Variants in ST3GAL3 observed in about 807,000 individuals in gnomAD.
ST3GAL3 encodes CMP-N-acetylneuraminate-beta-1,4-galactoside alpha-2,3-sialyltransferase.
ST3GAL3 carries 21 observed loss-of-function variants against 50.1 expected under a neutral mutation model. The observed-to-expected ratio is 0.42, with a 90% CI of 0.30 to 0.60. The LOEUF (loss-of-function observed/expected upper bound fraction) is 0.60, where lower values mean the gene tolerates loss of function less well. Among genes scored for constraint, ST3GAL3 ranks in the 20% least tolerant of loss-of-function variants. The probability of loss-of-function intolerance (pLI) is 0.19; values close to 1 mark genes in which losing one functional copy is unlikely to be tolerated. For missense variants in ST3GAL3, 353 were observed against 489.4 expected (o/e 0.72, Z 2.63); for synonymous variants, 183 against 190.0 (o/e 0.96, Z 0.30).
chr1:43,811,976 C>G (rs2060614717), intron 3 of ST3GAL3, among the ~76,000 whole-genome samples: 1 of 152,196 alleles, frequency 6.6e-6, no homozygotes, highest in Non-Finnish European at 1.5e-5. Context: ...CTTAGTCTAG[C>G]ACTTCACTGT....
intron 5 of ST3GAL3, among the ~76,000 whole-genome samples, chr1:43,875,586 A>G (rs1454740650): frequency 6.6e-6 from 1 of 152,006 alleles, no homozygotes; most frequent in Non-Finnish European, 1.5e-5. Flanking sequence ...TGTTCTCATG[A>G]TAGTGAATGG....
intron 1 of ST3GAL3, among the ~76,000 whole-genome samples, chr1:43,708,299 G>T (rs771765270): frequency 6.6e-6 from 1 of 152,156 alleles, no homozygotes; most frequent in Non-Finnish European, 1.5e-5. Context: ...TTACAACAAT[G>T]TCCATTTTTA....
chr1:43,783,064 G>GGTA (rs1354911946), intron 2 of ST3GAL3, among the ~76,000 whole-genome samples: 2 of 86,532 alleles, frequency 2.3e-5, no homozygotes, highest in Admixed American at 9.6e-5. Flanking sequence ...AGGGGGCTCA[G>GGTA]ATAAATTTTG....
intron 11 of ST3GAL3, among the ~76,000 whole-genome samples, chr1:43,926,752 A>T (rs1349531331): frequency 6.6e-6 from 1 of 152,218 alleles, no homozygotes; most frequent in Non-Finnish European, 1.5e-5. Context: ...AGGTGAACTC[A>T]GAAGTTGTCT....
At chr1:43,779,297 T>C (rs1698554297) in intron 2 of ST3GAL3, among the ~76,000 whole-genome samples, 1 of 152,188 alleles carries the variant, frequency 6.6e-6, no homozygotes, top group Non-Finnish European at 1.5e-5. Context: ...TATGCTGTAA[T>C]AATTAAGGAA....
chr1:43,918,489 A>T (rs2082465201), intron 9 of ST3GAL3, among the ~76,000 whole-genome samples: 1 of 152,092 alleles, frequency 6.6e-6, no homozygotes, highest in South Asian at 2.1e-4. Context: ...AAGTAAATGG[A>T]TCTTCTTCCC....
At chr1:43,891,727 T>G (rs992235575) in intron 5 of ST3GAL3, among the ~76,000 whole-genome samples, 1 of 152,220 alleles carries the variant, frequency 6.6e-6, no homozygotes, top group Non-Finnish European at 1.5e-5. Flanking sequence ...CAGCTCATTA[T>G]TCTGCAAATG....
intron 1 of ST3GAL3, among the ~76,000 whole-genome samples, chr1:43,731,865 A>T (rs1166910960): frequency 6.6e-6 from 1 of 151,882 alleles, no homozygotes; most frequent in Non-Finnish European, 1.5e-5. Flanking sequence ...TTTTGTAGAG[A>T]CAGGGTCCTA....
At chr1:43,815,915 A>ATGGATGGG (rs2061178297) in intron 4 of ST3GAL3, among the ~76,000 whole-genome samples, 1 of 151,700 alleles carries the variant, frequency 6.6e-6, no homozygotes, top group African/African-American at 2.4e-5. Flanking sequence ...GGATGGATGG[A>ATGGATGGG]TGGATGGATG....
At chr1:43,744,687 TAAAATAAAATAA>T (rs1405595925) in intron 2 of ST3GAL3, among the ~76,000 whole-genome samples, 14 of 135,434 alleles carry the variant, frequency 1.0e-4, no homozygotes, top group Non-Finnish European at 1.6e-4. Context: ...AATAAATAAA[TAAAATAAAATAA>T]AAAATAAAAT....
At chr1:43,849,991 A>G (rs2066976724) in intron 5 of ST3GAL3, among the ~76,000 whole-genome samples, 1 of 152,144 alleles carries the variant, frequency 6.6e-6, no homozygotes, top group African/African-American at 2.4e-5. Flanking sequence ...GCCCTACCCC[A>G]TGGTCTAAAT....
intron 2 of ST3GAL3, among the ~76,000 whole-genome samples, chr1:43,765,726 C>T (rs1692295956): frequency 6.8e-6 from 1 of 148,000 alleles, no homozygotes; most frequent in East Asian, 2.1e-4. Context: ...AAAACAATTT[C>T]ATGTGCATGT....
intron 5 of ST3GAL3, chr1:43,840,269 C>T (rs1412927375): frequency 6.6e-6 from 1 of 152,148 alleles, no homozygotes; most frequent in African/African-American, 2.4e-5. Flanking sequence ...TCAAGCGATC[C>T]ACCCACCTTG....
chr1:43,801,599 T>A (rs1157731250), intron 3 of ST3GAL3: 1 of 293,048 alleles, frequency 3.4e-6, no homozygotes, highest in Non-Finnish European at 6.9e-6. Flanking sequence ...GGACTTGGAG[T>A]TGTCTACATA....
chr1:43,886,635 G>A (rs575771106), intron 5 of ST3GAL3, among the ~76,000 whole-genome samples: 2 of 152,246 alleles, frequency 1.3e-5, no homozygotes, highest in East Asian at 3.9e-4. Flanking sequence ...GCAAGAAGAC[G>A]GACATGTCTA....
Position 43,795,563 on chromosome 1 carries a change from C to G in ST3GAL3, c.166+3414C>G, listed in dbSNP as rs536581282. ...AGAGGTCTTCACAGTGGCCACTTTA[C>G]TGTTTTATTTGGAGAGAATTTACAA... On this transcript the variant is annotated intron_variant, in intron 3 of 11. Coordinates refer to ENST00000347631, the MANE Select transcript of ST3GAL3 (RefSeq NM_006279.5). Among the ~76,000 whole-genome samples, 7 of 152,310 alleles carry G rather than the reference C, an allele frequency of 4.6e-5. No homozygotes were observed. The South Asian group carries it at 1.4e-3, about 32-fold the overall frequency.
chr1:43,820,800 A>C (rs545958164), intron 4 of ST3GAL3, among the ~76,000 whole-genome samples: 8 of 152,332 alleles, frequency 5.3e-5, no homozygotes, highest in Middle Eastern at 3.4e-3. Flanking sequence ...TTGTTGGTTA[A>C]AAATGTGAGC....
At chr1:43,851,214 G>C (rs1053686965) in intron 5 of ST3GAL3, 1 of 1,508,566 alleles carries the variant, frequency 6.6e-7, no homozygotes, top group East Asian at 2.3e-5. Context: ...CCAGTGTCTG[G>C]GTTCACCTTA....
At chr1:43,861,370 T>G (rs1558623374) in intron 5 of ST3GAL3, among the ~76,000 whole-genome samples, 1 of 152,130 alleles carries the variant, frequency 6.6e-6, no homozygotes, top group Non-Finnish European at 1.5e-5. Flanking sequence ...AGTGTGGTTC[T>G]GTCTTTATGC....
Sources: gnomAD v4.1 joint callset for allele counts (sites outside exome capture counted in the v4.1 genomes callset) on GRCh38, gnomAD v4.1.1 for gene constraint, MANE v1.5 for transcripts, NCBI Gene and HGNC (gene_info 2026-07-23, HGNC 2026-07-21) for gene names.